AFAP1L2: variants seen among roughly 807,000 people sequenced by gnomAD.
AFAP1L2 encodes the protein actin filament-associated protein 1-like 2.
Under a neutral mutation model 99.3 loss-of-function variants are expected in AFAP1L2, and 46 were observed. The observed-to-expected ratio is 0.46, with a 90% CI of 0.37 to 0.59. AFAP1L2 has a LOEUF of 0.59. Among genes scored for constraint, AFAP1L2 ranks in the 20% least tolerant of loss-of-function variants. AFAP1L2 has a pLI of 0.00. For synonymous variants in AFAP1L2, 397 were observed against 419.1 expected (o/e 0.95, Z 0.64); for missense variants, 959 against 1,034.9 (o/e 0.93, Z 1.01).
intron 15 of AFAP1L2, 94 bp downstream of exon 15, chr10:114,300,100 C>G (rs2040876390): frequency 6.5e-7 from 1 of 1,544,750 alleles, no homozygotes; most frequent in African/African-American, 1.4e-5. Flanking sequence ...AATAAACGCC[C>G]TTTCATATAT....
intron 1 of AFAP1L2, among the ~76,000 whole-genome samples, chr10:114,376,183 A>C (rs894922013): frequency 2.0e-5 from 3 of 152,220 alleles, no homozygotes; most frequent in Non-Finnish European, 4.4e-5. Flanking sequence ...AGAGACTGTG[A>C]GATCTTCCAG....
chr10:114,341,972 G>A (rs1298703810), intron 1 of AFAP1L2, among the ~76,000 whole-genome samples: 1 of 152,206 alleles, frequency 6.6e-6, no homozygotes, highest in Admixed American at 6.5e-5. Context: ...GAACAGTAAG[G>A]AAAGGAAAAG....
chr10:114,395,937 C>G (rs1590870042), intron 1 of AFAP1L2, among the ~76,000 whole-genome samples: 1 of 152,188 alleles, frequency 6.6e-6, no homozygotes. Flanking sequence ...CACAAAAACA[C>G]TGCCTGCCTC....
chr10:114,284,812 C>A, the AFAP1L2 span: 1 of 1,533,114 alleles, frequency 6.5e-7, no homozygotes, highest in South Asian at 1.2e-5. Flanking sequence ...CCAGTCCTCT[C>A]CACTCCTCTG....
chr10:114,402,207 T>C (rs1392706546), intron 1 of AFAP1L2, among the ~76,000 whole-genome samples: 1 of 152,250 alleles, frequency 6.6e-6, no homozygotes, highest in East Asian at 1.9e-4. Context: ...CCCCAGTCTC[T>C]GAAAAGCAAG....
chr10:114,334,046 A>G (rs2047586710), intron 2 of AFAP1L2, among the ~76,000 whole-genome samples: 1 of 152,156 alleles, frequency 6.6e-6, no homozygotes, highest in Non-Finnish European at 1.5e-5. Context: ...GGGCCATTGG[A>G]TGGGTGAACG....
chr10:114,296,920 G>T lies in AFAP1L2; in HGVS notation c.2430+58C>A, dbSNP rs140565006. ...AAGCACCACCTGGGTCAGAAGATGG[G>T]CCCCTACCTTAGTGACATTTCTGCT... is the stretch of plus-strand genomic sequence containing the variant. On this transcript the variant is annotated intron_variant, in intron 18 of 18. Coordinates refer to ENST00000304129, the MANE Select transcript of AFAP1L2 (RefSeq NM_001001936.3). 1,581 of 1,612,906 alleles carry T rather than the reference G, an allele frequency of 9.8e-4. 4 individuals are homozygous for T. Among genetic ancestry groups the T allele is most frequent in the African/African-American group, 7.6e-3 (574 of 75,064 alleles).
At chr10:114,355,232 G>T (rs7086642) in intron 1 of AFAP1L2, among the ~76,000 whole-genome samples, 14,035 of 149,748 alleles carry the variant, frequency 0.094, 1,777 homozygotes, top group African/African-American at 0.29. Context: ...CTCCCCCACA[G>T]AAGCCTTTCT....
At chr10:114,313,747 C>CGTT in intron 7 of AFAP1L2, 124 bp downstream of exon 7, 1 of 1,002,452 alleles carries the variant, frequency 1.0e-6, no homozygotes, top group South Asian at 1.9e-5. Context: ...ACTTAGAACA[C>CGTT]AGGAAGCCCT....
At chr10:114,368,389 T>C (rs1476000475) in intron 1 of AFAP1L2, among the ~76,000 whole-genome samples, 1 of 152,144 alleles carries the variant, frequency 6.6e-6, no homozygotes, top group African/African-American at 2.4e-5. Context: ...CTATAGTTAA[T>C]AATAACAGCG....
chr10:114,382,807 C>G (rs1207442650), intron 1 of AFAP1L2, among the ~76,000 whole-genome samples: 1 of 151,996 alleles, frequency 6.6e-6, no homozygotes, highest in Non-Finnish European at 1.5e-5. Context: ...GTTGGTTAGG[C>G]TGGTCTCAAA....
At chr10:114,325,493 G>T (rs7087211) in intron 4 of AFAP1L2, among the ~76,000 whole-genome samples, 2,846 of 152,318 alleles carry the variant, frequency 0.019, 95 homozygotes, top group African/African-American at 0.066. Context: ...TGAGGCACAG[G>T]GCAGGCTCAG....
chr10:114,372,214 G>T (rs1349292629), intron 1 of AFAP1L2, among the ~76,000 whole-genome samples: 2 of 152,180 alleles, frequency 1.3e-5, no homozygotes, highest in Non-Finnish European at 2.9e-5. Context: ...GACCACTGCT[G>T]GTCCAGTCCC....
Position 114,351,352 on chromosome 10 carries a change from G to A in AFAP1L2, c.17-10621C>T, listed in dbSNP as rs909837524. On this transcript the variant is annotated intron_variant, in intron 1 of 18. Coordinates refer to ENST00000304129, the MANE Select transcript of AFAP1L2 (RefSeq NM_001001936.3). Reference sequence around the variant, plus strand: ...GGTTGTCCCTGTTTACTTGATATTTGTATCAGAGAAAAAAGACATATTAAA... The same window carrying A: ...GGTTGTCCCTGTTTACTTGATATTTATATCAGAGAAAAAAGACATATTAAA... Among the ~76,000 whole-genome samples the A allele has an allele frequency of 2.0e-5, 3 of 152,120 alleles. No homozygotes were observed. In the East Asian group the frequency reaches 5.8e-4, roughly 29 times the overall value.
At chr10:114,361,122 TC>T (rs2052343276) in intron 1 of AFAP1L2, among the ~76,000 whole-genome samples, 1 of 151,952 alleles carries the variant, frequency 6.6e-6, no homozygotes, top group African/African-American at 2.4e-5. Flanking sequence ...AACCATCAAA[TC>T]TCGTGAGACT....
At position 114,304,993 on chromosome 10, in the gene AFAP1L2, G is replaced by A. The variant is rs1589975172; in HGVS notation, c.1073-63C>T. 8 of 1,362,762 alleles carry A rather than the reference G, an allele frequency of 5.9e-6. No homozygotes were observed. In the East Asian group the frequency reaches 1.9e-4, roughly 33 times the overall value. 84.4% of individuals were successfully genotyped at this position (1,362,762 alleles called of 1,614,324 possible). ...TGCAGGAGGGGACGCAGATGCAGGA[G>A]GGGGCGGGGCTTCGGGAGGGCACAC... On this transcript the variant is annotated intron_variant, in intron 10 of 18. Transcript: ENST00000304129.
At chr10:114,322,662 GTC>G (rs1371673346) in intron 5 of AFAP1L2, among the ~76,000 whole-genome samples, 1 of 152,148 alleles carries the variant, frequency 6.6e-6, no homozygotes, top group African/African-American at 2.4e-5. Flanking sequence ...TTTATTTGTT[GTC>G]TGTTTTCTCT....
intron 1 of AFAP1L2, chr10:114,362,798 C>T (rs184290147): frequency 1.4e-5 from 6 of 429,386 alleles, no homozygotes; most frequent in Admixed American, 1.3e-4. Flanking sequence ...AAAGATTAAC[C>T]TCATTAGAAA....
At chr10:114,333,854 T>A (rs1278492816) in intron 2 of AFAP1L2, among the ~76,000 whole-genome samples, 1 of 152,150 alleles carries the variant, frequency 6.6e-6, no homozygotes, top group Non-Finnish European at 1.5e-5. Flanking sequence ...AAGTTCAAGA[T>A]CTGCCTTGTA....
Sources: gnomAD v4.1 joint callset for allele counts (sites outside exome capture counted in the v4.1 genomes callset) on GRCh38, gnomAD v4.1.1 for gene constraint, MANE v1.5 for transcripts, NCBI Gene and HGNC (gene_info 2026-07-23, HGNC 2026-07-21) for gene names.